The following CEP152 variants were observed in gnomAD, a reference collection of about 807,000 sequenced individuals.
CEP152 encodes centrosomal protein of 152 kDa.
In CEP152, 132 loss-of-function variants were observed where a neutral mutation model predicts 188.9. The ratio of observed to expected loss-of-function variants is 0.70; its 90% CI spans 0.61 to 0.81. The LOEUF (loss-of-function observed/expected upper bound fraction) is 0.81, where lower values mean the gene tolerates loss of function less well. Among genes scored for constraint, CEP152 ranks in the 30% least tolerant of loss-of-function variants. The probability of loss-of-function intolerance (pLI) is 0.00; values close to 1 mark genes in which losing one functional copy is unlikely to be tolerated. For synonymous variants in CEP152, 649 were observed against 666.6 expected (o/e 0.97, Z 0.41); for missense variants, 1,914 against 1,969.8 (o/e 0.97, Z 0.54).
Position 48,749,520 on chromosome 15 carries a change from A to G in CEP152, c.3467-910T>C, listed in dbSNP as rs149956755. On this transcript the variant is annotated intron_variant, in intron 21 of 26. Transcript: ENST00000380950. The stretch of plus-strand genomic sequence containing the variant: ...AGTGAAGAAATTAGACAACATATTC[A>G]CTAGGTAATGAAAAGTAACCTCACC... Among the ~76,000 whole-genome samples, 591 of 152,220 alleles carry G rather than the reference A, an allele frequency of 3.9e-3. 4 individuals are homozygous for G. The highest frequency in any genetic ancestry group is 0.014 in the African/African-American group (576 of 41,556).
intron 15 of CEP152, 145 bp downstream of exon 15, chr15:48,768,074 C>A: frequency 1.5e-6 from 1 of 654,828 alleles, no homozygotes; most frequent in Non-Finnish European, 2.8e-6. Flanking sequence ...ATTTGAGAAG[C>A]CAGGGACTCA....
intron 9 of CEP152, among the ~76,000 whole-genome samples, chr15:48,787,107 A>C (rs901977628): frequency 2.1e-4 from 32 of 149,734 alleles, no homozygotes; most frequent in Non-Finnish European, 4.1e-4. Flanking sequence ...GCTACATCTC[A>C]AATTCTGTTT....
intron 2 of CEP152, among the ~76,000 whole-genome samples, chr15:48,800,682 G>A (rs1368240633): frequency 6.6e-6 from 1 of 151,976 alleles, no homozygotes; most frequent in Non-Finnish European, 1.5e-5. Flanking sequence ...CTGCTTTTTG[G>A]CAGCAAGCAG....
intron 2 of CEP152, among the ~76,000 whole-genome samples, chr15:48,730,946 G>C (rs1162961903): frequency 6.6e-6 from 1 of 152,148 alleles, no homozygotes; most frequent in Admixed American, 6.5e-5. Flanking sequence ...CAAATTTATA[G>C]CGTATGTAAA....
chr15:48,775,487 G>C (rs1268397758), intron 12 of CEP152, among the ~76,000 whole-genome samples: 3 of 152,138 alleles, frequency 2.0e-5, no homozygotes, highest in Non-Finnish European at 4.4e-5. Flanking sequence ...AGTCCAGAGA[G>C]AGTGGACCAA....
intron 13 of CEP152, among the ~76,000 whole-genome samples, chr15:48,770,279 T>C (rs993137915): frequency 2.0e-5 from 3 of 152,174 alleles, no homozygotes; most frequent in Admixed American, 6.5e-5. Context: ...ACAGCTGAAG[T>C]AACTTTGAGA....
chr15:48,765,749 G>A (rs888277143), intron 17 of CEP152: 16 of 345,726 alleles, frequency 4.6e-5, no homozygotes, highest in African/African-American at 3.5e-4. Context: ...CGCCTCCCGG[G>A]TTCACGCCAT....
At chr15:48,776,211 GT>G (rs977363713) in intron 12 of CEP152, among the ~76,000 whole-genome samples, 27 of 152,136 alleles carry the variant, frequency 1.8e-4, no homozygotes, top group African/African-American at 6.0e-4. Flanking sequence ...TATGTTCCAT[GT>G]TTTTTATATG....
At position 48,758,718 on chromosome 15, in the gene CEP152, C is replaced by CAAAAAAAAAA. The variant is rs869223881; in HGVS notation, c.2694+1407_2694+1416dup. ...TGGGAAACACAGCAAGACTCCATCTCAAAAAAAAAAAAAAAAAAAGGCAAA... is the reference window on the plus strand; with the variant it reads ...TGGGAAACACAGCAAGACTCCATCTCAAAAAAAAAAAAAAAAAAAAAAAAAAAAAGGCAAA... On this transcript the variant is annotated intron_variant, in intron 19 of 26. Transcript: ENST00000380950. Among the ~76,000 whole-genome samples the CAAAAAAAAAA allele has an allele frequency of 9.9e-5, 7 of 70,440 alleles. 1 individual carries two copies. The highest frequency in any genetic ancestry group is 1.7e-4 in the Admixed American group (1 of 5,820). 46.2% of individuals were successfully genotyped at this position (70,440 alleles called of 152,430 possible).
At chr15:48,769,163 A>AT (rs1714524137) in intron 13 of CEP152, 82 bp from the exon 14 acceptor site, 1 of 1,173,558 alleles carries the variant, frequency 8.5e-7, no homozygotes. Flanking sequence ...CTTTAAAAAA[A>AT]TTGCAAACAG....
At chr15:48,766,411 A>G (rs2140745955) in intron 17 of CEP152, among the ~76,000 whole-genome samples, 1 of 152,210 alleles carries the variant, frequency 6.6e-6, no homozygotes, top group East Asian at 1.9e-4. Flanking sequence ...GACAGGGAAG[A>G]AAAGAGGAGG....
At chr15:48,762,794 T>C (rs1894786271) in intron 17 of CEP152, 122 bp from the exon 18 acceptor site, 2 of 951,994 alleles carry the variant, frequency 2.1e-6, no homozygotes, top group South Asian at 3.1e-5. Context: ...ATTGTTGTAG[T>C]AATTATAAAA....
chr15:48,802,999 A>G (rs972224454), intron 2 of CEP152, among the ~76,000 whole-genome samples: 6 of 152,240 alleles, frequency 3.9e-5, no homozygotes, highest in African/African-American at 1.4e-4. Context: ...GGACTATCCA[A>G]CCATGTACCA....
intron 8 of CEP152, among the ~76,000 whole-genome samples, chr15:48,789,933 G>T (rs1043995774): frequency 1.3e-5 from 2 of 152,180 alleles, no homozygotes; most frequent in Admixed American, 6.5e-5. Context: ...TGAATTTGTG[G>T]TCATCTGTTA....
At position 48,732,654 on chromosome 15, in the gene CEP152, A is replaced by ATTT. The variant is rs58160084; in HGVS notation, c.142+8974_142+8976dup. On this transcript the variant is annotated intron_variant and NMD_transcript_variant, in intron 2 of 3. Coordinates refer to the CEP152 transcript ENST00000561245. The stretch of plus-strand genomic sequence containing the variant: ...ACAAATCTGCATGTTCTGCACATGT[A>ATTT]TTTTTTTTTTTTAGAGTAAAGGAAA... Among the ~76,000 whole-genome samples, 719 of 144,236 alleles carry ATTT rather than the reference A, an allele frequency of 5.0e-3. 1 individual carries two copies. The highest frequency in any genetic ancestry group is 0.017 in the African/African-American group (659 of 39,362). The allele number at this position is 144,236 out of a possible 152,430, so 94.6% of individuals were successfully genotyped here. A position where few individuals can be genotyped will look rare whatever the true frequency, so the allele number is the denominator to read the frequency against.
At position 48,756,486 on chromosome 15, in the gene CEP152, A is replaced by C; in HGVS notation, c.2762T>G (p.Ile921Arg). 6.2e-7 allele frequency: 1 copy of C among 1,612,926 alleles called. No homozygotes were observed. The highest frequency in any genetic ancestry group is 8.5e-7 in the Non-Finnish European group (1 of 1,179,920). Residue 921 changes from isoleucine (I) to arginine (R), a missense_variant, in exon 20 of 27, where the codon ATA becomes AGA. Transcript: ENST00000380950. Reference protein sequence around the residue: ...KSELENMRKNILPGKELEEKI... With the variant: ...KSELENMRKNRLPGKELEEKI... ...CTCTTCCAATTCCTTTCCAGGAAGTATATTTTTCCTCATATTTTCAAGCTC... is the reference window on the plus strand; with the variant it reads ...CTCTTCCAATTCCTTTCCAGGAAGTCTATTTTTCCTCATATTTTCAAGCTC...
chr15:48,783,972 C>G lies in CEP152; in HGVS notation c.1321+1G>C. ...AGACAGTGGACCTACCAGACACCTA[C>G]CGGACTGCAACAAGTGGGCACACTG... On this transcript the variant is annotated splice_donor_variant, in intron 10 of 26. Transcript: ENST00000380950. LOFTEE classifies it high-confidence loss of function. The G allele has an allele frequency of 6.2e-7, 1 of 1,613,658 alleles. No homozygotes were observed. The highest frequency in any genetic ancestry group is 8.5e-7 in the Non-Finnish European group (1 of 1,179,832).
intron 2 of CEP152, chr15:48,729,794 G>A (rs1892361293): frequency 6.6e-6 from 1 of 151,860 alleles, no homozygotes; most frequent in African/African-American, 2.4e-5. Context: ...AACAAATGTA[G>A]AAAGTAAACA....
At chr15:48,730,916 G>A (rs984562925) in intron 2 of CEP152, among the ~76,000 whole-genome samples, 7 of 152,106 alleles carry the variant, frequency 4.6e-5, no homozygotes, top group South Asian at 2.1e-4. Flanking sequence ...AATATGTTAC[G>A]TAAAATTTCC....
Sources: allele counts gnomAD v4.1 joint callset (sites outside exome capture counted in the v4.1 genomes callset), GRCh38; gene constraint gnomAD v4.1.1; transcripts MANE v1.5; gene names NCBI Gene and HGNC (gene_info 2026-07-23, HGNC 2026-07-21).